Variants in TRABD2B observed in about 807,000 individuals in gnomAD.
TRABD2B encodes metalloprotease TIKI2.
Under a neutral mutation model 40.1 loss-of-function variants are expected in TRABD2B, and 14 were observed. That is an observed-to-expected ratio of 0.35 (90% CI 0.23 to 0.55). The LOEUF is 0.55. Among genes scored for constraint, TRABD2B ranks in the 20% least tolerant of loss-of-function variants. The pLI is 0.90. For missense variants in TRABD2B, 541 were observed against 648.6 expected (o/e 0.83, Z 1.80); for synonymous variants, 263 against 277.0 (o/e 0.95, Z 0.50).
At chr1:47,950,198 T>C (rs1476821062) in intron 2 of TRABD2B, among the ~76,000 whole-genome samples, 1 of 151,758 alleles carries the variant, frequency 6.6e-6, no homozygotes, top group Non-Finnish European at 1.5e-5. Context: ...AGCAGGAGAA[T>C]GGTGTGAACC....
At chr1:47,984,541 G>C (rs1484300750) in intron 2 of TRABD2B, among the ~76,000 whole-genome samples, 1 of 152,236 alleles carries the variant, frequency 6.6e-6, no homozygotes, top group Non-Finnish European at 1.5e-5. Flanking sequence ...AGGGACACCA[G>C]CAGGCGGCTT....
intron 2 of TRABD2B, among the ~76,000 whole-genome samples, chr1:47,988,573 G>A (rs1309988014): frequency 6.6e-6 from 1 of 152,148 alleles, no homozygotes; most frequent in South Asian, 2.1e-4. Flanking sequence ...CCTGGCAGCA[G>A]GATCACCCAC....
At chr1:47,986,706 T>C (rs1354722107) in intron 2 of TRABD2B, among the ~76,000 whole-genome samples, 2 of 151,924 alleles carry the variant, frequency 1.3e-5, no homozygotes, top group East Asian at 1.9e-4. Context: ...AGAAATAGAA[T>C]AGAAAAGGAG....
At chr1:47,870,873 C>G (rs1245470697) in intron 2 of TRABD2B, among the ~76,000 whole-genome samples, 1 of 152,084 alleles carries the variant, frequency 6.6e-6, no homozygotes, top group Non-Finnish European at 1.5e-5. Flanking sequence ...ATTGTCTAGG[C>G]AGATCAGACC....
intron 2 of TRABD2B, among the ~76,000 whole-genome samples, chr1:47,977,867 G>C (rs984305858): frequency 2.0e-5 from 3 of 152,024 alleles, no homozygotes; most frequent in African/African-American, 7.3e-5. Context: ...AGAAGAAAAG[G>C]GAGATGTCCT....
chr1:47,880,309 C>T (rs768129471), intron 2 of TRABD2B, among the ~76,000 whole-genome samples: 3 of 151,894 alleles, frequency 2.0e-5, no homozygotes, highest in Admixed American at 1.3e-4. Flanking sequence ...AAGTGAGACT[C>T]GGTCTCCCCA....
chr1:47,875,674 C>CAAAAAAAAAAAA (rs10541556), intron 2 of TRABD2B, among the ~76,000 whole-genome samples: 2 of 75,926 alleles, frequency 2.6e-5, no homozygotes, highest in African/African-American at 5.1e-5. Flanking sequence ...AACCCTGTCT[C>CAAAAAAAAAAAA]AAAAAAAAAA....
Position 47,951,738 on chromosome 1 carries a change from CA to C in TRABD2B, c.666+42295del, listed in dbSNP as rs1244787414. 2.0e-5 allele frequency among the ~76,000 whole-genome samples: 3 copies of C among 152,294 alleles called. No homozygotes were observed. In the East Asian group the frequency reaches 5.8e-4, roughly 29 times the overall value. On this transcript the variant is annotated intron_variant, in intron 2 of 6. Coordinates refer to ENST00000606738, the MANE Select transcript of TRABD2B (RefSeq NM_001194986.2). Reference sequence around the variant, plus strand: ...TGTCCTCTGACCCCTCACCTTGGTCCAGAGGCTTGGTCTGGAGAGACCATCT... The same window carrying C: ...TGTCCTCTGACCCCTCACCTTGGTCCGAGGCTTGGTCTGGAGAGACCATCT...
chr1:47,963,542 T>G (rs1478971697), intron 2 of TRABD2B, among the ~76,000 whole-genome samples: 1 of 152,172 alleles, frequency 6.6e-6, no homozygotes, highest in East Asian at 1.9e-4. Context: ...ATTTTGAAGG[T>G]CAGGGAAATG....
In TRABD2B at chr1:47,865,860, G is replaced by C. The variant is rs559268204; in HGVS notation, c.667-64241C>G. On this transcript the variant is annotated intron_variant, in intron 2 of 6. Coordinates refer to ENST00000606738, the MANE Select transcript of TRABD2B (RefSeq NM_001194986.2). ...GCAGAAGGATGTTACCATGCACTCA[G>C]TGGGTTTGAAATCAGTTGAGCCTGG... 1.6e-3 allele frequency among the ~76,000 whole-genome samples: 244 copies of C among 152,184 alleles called. 2 individuals are homozygous for C. Among genetic ancestry groups the C allele is most frequent in the Middle Eastern group, 3.4e-3 (1 of 294 alleles).
At chr1:47,840,546 G>T (rs1392302487) in intron 2 of TRABD2B, among the ~76,000 whole-genome samples, 1 of 152,200 alleles carries the variant, frequency 6.6e-6, no homozygotes, top group Non-Finnish European at 1.5e-5. Flanking sequence ...ACAGAGTTTG[G>T]CAGACCCACT....
Position 47,763,986 on chromosome 1 carries a change from C to T in TRABD2B, c.*1916G>A, listed in dbSNP as rs1457048759. The T allele has an allele frequency of 6.6e-6, 1 of 152,300 alleles. No homozygotes were observed. Among genetic ancestry groups the T allele is most frequent in the East Asian group, 1.9e-4 (1 of 5,198 alleles). The allele number at this position is 152,300 out of a possible 1,614,324, so 9.4% of individuals were successfully genotyped here. A position where few individuals can be genotyped will look rare whatever the true frequency, so the allele number is the denominator to read the frequency against. On this transcript the variant is annotated 3_prime_UTR_variant, in exon 7 of 7. Transcript: ENST00000606738. ...TGGCTGGGCCCTCTAAGGCAGAGCT[C>T]CAGTCTCCTGCCAGGTCTCAAGCTC... is the stretch of plus-strand genomic sequence containing the variant.
At chr1:47,919,996 C>A (rs1644880923) in intron 2 of TRABD2B, among the ~76,000 whole-genome samples, 1 of 152,168 alleles carries the variant, frequency 6.6e-6, no homozygotes, top group Non-Finnish European at 1.5e-5. Flanking sequence ...AACAGACCTG[C>A]CTCAGCTTCC....
At chr1:47,820,823 A>ACACACAC (rs1645099128) in intron 2 of TRABD2B, among the ~76,000 whole-genome samples, 1 of 138,524 alleles carries the variant, frequency 7.2e-6, no homozygotes, top group African/African-American at 2.7e-5. Context: ...CACACACACA[A>ACACACAC]AATCTTACTT....
chr1:47,902,313 A>T (rs1244147541), intron 2 of TRABD2B, among the ~76,000 whole-genome samples: 2 of 152,116 alleles, frequency 1.3e-5, no homozygotes, highest in Non-Finnish European at 2.9e-5. Context: ...ATAGGTGTTG[A>T]TAAAATGGTG....
At chr1:47,829,893 G>C (rs1645226275) in intron 2 of TRABD2B, among the ~76,000 whole-genome samples, 1 of 152,112 alleles carries the variant, frequency 6.6e-6, no homozygotes, top group Non-Finnish European at 1.5e-5. Context: ...TTGGTCTCTT[G>C]TCACTACTCA....
At chr1:47,932,999 C>T (rs1289445676) in intron 2 of TRABD2B, among the ~76,000 whole-genome samples, 1 of 152,172 alleles carries the variant, frequency 6.6e-6, no homozygotes, top group Admixed American at 6.5e-5. Context: ...TGTAATTCAG[C>T]ACTAGCACAG....
At chr1:47,853,299 C>T (rs975696730) in intron 2 of TRABD2B, among the ~76,000 whole-genome samples, 51 of 152,254 alleles carry the variant, frequency 3.3e-4, no homozygotes, top group African/African-American at 1.1e-3. Flanking sequence ...AGCAGTGGCC[C>T]GAATTAGCCA....
intron 2 of TRABD2B, among the ~76,000 whole-genome samples, chr1:47,920,589 A>T (rs996589082): frequency 1.3e-5 from 2 of 152,118 alleles, no homozygotes; most frequent in African/African-American, 4.8e-5. Context: ...AAGTGGGGAA[A>T]CCTTGGTCTT....
Sources: gnomAD v4.1 joint callset for allele counts (sites outside exome capture counted in the v4.1 genomes callset) on GRCh38, gnomAD v4.1.1 for gene constraint, MANE v1.5 for transcripts, NCBI Gene and HGNC (gene_info 2026-07-23, HGNC 2026-07-21) for gene names.